The following NF1 variants were observed in gnomAD, a reference collection of about 807,000 sequenced individuals.
NF1 encodes the protein neurofibromin 1, also known as neurofibromin.
In NF1, 122 loss-of-function variants were observed where a neutral mutation model predicts 325.7. That is an observed-to-expected ratio of 0.37 (90% CI 0.32 to 0.44). NF1 has a LOEUF of 0.44. Among genes scored for constraint, NF1 ranks in the 20% least tolerant of loss-of-function variants. The probability of loss-of-function intolerance (pLI) is 1.00; values close to 1 mark genes in which losing one functional copy is unlikely to be tolerated. For synonymous variants in NF1, 1,091 were observed against 1,186.0 expected, an observed-to-expected ratio of 0.92 and a Z score of 1.65; for missense variants, 2,140 against 3,415.4, an observed-to-expected ratio of 0.63 and a Z score of 9.31.
chr17:31,284,368 C>T (rs1169144389), intron 36 of NF1, among the ~76,000 whole-genome samples: 3 of 152,036 alleles, frequency 2.0e-5, no homozygotes, highest in Admixed American at 6.5e-5. Context: ...CTGCAACCTC[C>T]GCCCCCCAGG....
Position 31,095,153 on chromosome 17 carries a change from AC to A in NF1, c.-151del, listed in dbSNP as rs942228301. The A allele has an allele frequency of 2.9e-5, 9 of 313,446 alleles. No individual in the cohort carries two copies. The highest frequency in any genetic ancestry group is 8.3e-5 in the South Asian group (3 of 36,042). 19.4% of individuals were successfully genotyped at this position (313,446 alleles called of 1,614,324 possible). A position where few individuals can be genotyped will look rare whatever the true frequency, so the allele number is the denominator to read the frequency against. On this transcript the variant is annotated 5_prime_UTR_variant, in exon 1 of 58. Coordinates refer to ENST00000358273, the MANE Select transcript of NF1 (RefSeq NM_001042492.3). ...CCTCTCCCCCTCCCGCTCGGCGCTG[AC>A]CCCCCATCCCCACCCCCGTGGGAAC... is the stretch of plus-strand genomic sequence containing the variant.
intron 2 of NF1, 101 bp downstream of exon 2, chr17:31,156,227 G>A (rs2065659860): frequency 7.3e-7 from 1 of 1,365,904 alleles, no homozygotes; most frequent in Non-Finnish European, 1.0e-6. Flanking sequence ...GTGATTTTCT[G>A]TGGACTTTGG....
intron 48 of NF1, 115 bp from the exon 49 acceptor site, chr17:31,349,005 G>C: frequency 7.7e-7 from 1 of 1,292,688 alleles, no homozygotes; most frequent in African/African-American, 1.5e-5. Context: ...TGGAAAGTAG[G>C]AGTTATATTT....
At chr17:31,337,235 G>A (rs2069699915) in intron 42 of NF1, 133 bp from the exon 43 acceptor site, 1 of 773,238 alleles carries the variant, frequency 1.3e-6, no homozygotes, top group South Asian at 1.7e-5. Context: ...GTATCTAGAG[G>A]TTTGATTTAG....
chr17:31,287,088 T>G (rs1487930705), intron 36 of NF1, among the ~76,000 whole-genome samples: 1 of 152,240 alleles, frequency 6.6e-6, no homozygotes, highest in East Asian at 1.9e-4. Flanking sequence ...TTTTTACTGC[T>G]AAATAATTTT....
intron 1 of NF1, among the ~76,000 whole-genome samples, chr17:31,095,885 A>C (rs1911654822): frequency 6.6e-6 from 1 of 151,950 alleles, no homozygotes; most frequent in African/African-American, 2.4e-5. Context: ...CAGTTTCTTC[A>C]GCTTCCTCTC....
Position 31,153,529 on chromosome 17 carries a change from A to T in NF1, c.61-2454A>T, listed in dbSNP as rs908311649. On this transcript the variant is annotated intron_variant, in intron 1 of 57. Transcript: ENST00000358273. The stretch of plus-strand genomic sequence containing the variant: ...TGGGCTGCTGTGCTTTTTATTAAGG[A>T]TGCAGTACATTGGGAATCTCCTCTT... Among the ~76,000 whole-genome samples the T allele has an allele frequency of 2.6e-5, 4 of 152,316 alleles. No individual in the cohort carries two copies. The South Asian group carries it at 8.3e-4, about 32-fold the overall frequency.
At chr17:31,248,535 T>A (rs1232153063) in intron 29 of NF1, among the ~76,000 whole-genome samples, 1 of 152,168 alleles carries the variant, frequency 6.6e-6, no homozygotes, top group Non-Finnish European at 1.5e-5. Context: ...AGTTGTCTTT[T>A]TTTTTATTTT....
chr17:31,289,904 C>G (rs917492248), intron 36 of NF1, among the ~76,000 whole-genome samples: 1 of 151,636 alleles, frequency 6.6e-6, no homozygotes, highest in Non-Finnish European at 1.5e-5. Context: ...CCTTCCCCAT[C>G]GTTGGTTTTT....
intron 29 of NF1, among the ~76,000 whole-genome samples, chr17:31,244,091 GGTTT>G (rs1370495297): frequency 2.6e-5 from 4 of 152,134 alleles, no homozygotes; most frequent in Non-Finnish European, 5.9e-5. Context: ...TCTGGCCCAG[GGTTT>G]GTTTAGGAGT....
At chr17:31,193,726 C>G (rs998950988) in intron 8 of NF1, among the ~76,000 whole-genome samples, 8 of 151,970 alleles carry the variant, frequency 5.3e-5, no homozygotes, top group African/African-American at 1.9e-4. Context: ...GGGCAAAGGA[C>G]CTGAATAGAC....
intron 36 of NF1, among the ~76,000 whole-genome samples, chr17:31,265,784 A>T (rs2067775899): frequency 6.6e-6 from 1 of 152,182 alleles, no homozygotes; most frequent in Admixed American, 6.5e-5. Context: ...AATAATTCAA[A>T]GGAGTGGTGA....
intron 36 of NF1, among the ~76,000 whole-genome samples, chr17:31,290,109 A>G (rs1403350585): frequency 2.6e-5 from 4 of 152,098 alleles, no homozygotes; most frequent in African/African-American, 7.2e-5. Context: ...TGAGCTCCTG[A>G]TTAACAACCT....
chr17:31,247,974 A>G (rs932171030), intron 29 of NF1, among the ~76,000 whole-genome samples: 1 of 152,188 alleles, frequency 6.6e-6, no homozygotes, highest in Non-Finnish European at 1.5e-5. Context: ...AGGCCGAGGC[A>G]GGTGGGTCAC....
At chr17:31,107,270 T>A (rs1912941753) in intron 1 of NF1, among the ~76,000 whole-genome samples, 1 of 152,122 alleles carries the variant, frequency 6.6e-6, no homozygotes, top group South Asian at 2.1e-4. Flanking sequence ...CTGTTATGTT[T>A]CAGTTTTTGG....
intron 8 of NF1, among the ~76,000 whole-genome samples, chr17:31,185,100 T>G (rs1302282310): frequency 2.6e-5 from 4 of 152,170 alleles, no homozygotes; most frequent in Admixed American, 1.3e-4. Flanking sequence ...TCTGAAGAGA[T>G]AAACCCTGCG....
At chr17:31,335,182 G>T (rs2069614101) in intron 40 of NF1, 151 bp downstream of exon 40, 14 of 641,744 alleles carry the variant, frequency 2.2e-5, no homozygotes, top group Admixed American at 2.1e-4. Flanking sequence ...CACTCACCCA[G>T]CTCTTCATCT....
intron 35 of NF1, among the ~76,000 whole-genome samples, chr17:31,264,534 T>A (rs2067752243): frequency 6.6e-6 from 1 of 151,748 alleles, no homozygotes. Flanking sequence ...GAAGATAAAA[T>A]GAGGAGGTTC....
At chr17:31,205,108 T>A (rs1393447551) in intron 11 of NF1, among the ~76,000 whole-genome samples, 5 of 152,166 alleles carry the variant, frequency 3.3e-5, no homozygotes, top group Non-Finnish European at 4.4e-5. Flanking sequence ...GTTTTATATT[T>A]TACTATCCGG....
Sources: gnomAD v4.1 joint callset for allele counts (sites outside exome capture counted in the v4.1 genomes callset) on GRCh38, gnomAD v4.1.1 for gene constraint, MANE v1.5 for transcripts, NCBI Gene and HGNC (gene_info 2026-07-23, HGNC 2026-07-21) for gene names.